FOXN3: variants seen among roughly 807,000 people sequenced by gnomAD.
FOXN3 encodes the protein forkhead box protein N3.
A neutral mutation model predicts 38.4 loss-of-function variants in FOXN3; 7 were observed. That is an observed-to-expected ratio of 0.18 (90% CI 0.10 to 0.34). FOXN3 has a LOEUF of 0.34. Among genes scored for constraint, FOXN3 ranks in the 10% least tolerant of loss-of-function variants. FOXN3 has a pLI of 1.00. For synonymous variants in FOXN3, 230 were observed against 242.2 expected (o/e 0.95, Z 0.47); for missense variants, 456 against 613.4 (o/e 0.74, Z 2.71).
At chr14:89,176,256 A>T (rs1174806058) in intron 5 of FOXN3, among the ~76,000 whole-genome samples, 1 of 152,258 alleles carries the variant, frequency 6.6e-6, no homozygotes, top group Non-Finnish European at 1.5e-5. Flanking sequence ...GGAACCTGGC[A>T]AATAGAAGCT....
chr14:89,340,008 T>G (rs931688881), intron 3 of FOXN3, among the ~76,000 whole-genome samples: 3 of 151,970 alleles, frequency 2.0e-5, no homozygotes, highest in Non-Finnish European at 4.4e-5. Flanking sequence ...GATAAGAAAC[T>G]CTGCTCTCCT....
intron 3 of FOXN3, among the ~76,000 whole-genome samples, chr14:89,299,768 G>A (rs1015582418): frequency 6.6e-6 from 1 of 152,170 alleles, no homozygotes; most frequent in Non-Finnish European, 1.5e-5. Context: ...ACAGTTTCAC[G>A]GAGGTCTTGA....
chr14:89,351,093 G>GT (rs900547379), intron 2 of FOXN3: 5 of 215,918 alleles, frequency 2.3e-5, no homozygotes, highest in Non-Finnish European at 4.5e-5. Flanking sequence ...GAATCTCATT[G>GT]TTTTTCAGCG....
intron 4 of FOXN3, among the ~76,000 whole-genome samples, chr14:89,279,437 T>C (rs953341763): frequency 6.6e-6 from 1 of 152,094 alleles, no homozygotes; most frequent in East Asian, 1.9e-4. Flanking sequence ...TGAATAAAAA[T>C]CGTGAGAAAA....
chr14:89,166,333 G>A (rs1457664784), intron 5 of FOXN3, among the ~76,000 whole-genome samples: 2 of 152,178 alleles, frequency 1.3e-5, no homozygotes, highest in African/African-American at 4.8e-5. Context: ...ATTAAAGGGA[G>A]AATAGAAAAG....
intron 1 of FOXN3, among the ~76,000 whole-genome samples, chr14:89,582,665 CATTTA>C (rs916405294): frequency 2.0e-5 from 3 of 151,980 alleles, no homozygotes; most frequent in Non-Finnish European, 4.4e-5. Context: ...ATTATTCACA[CATTTA>C]AAGAATGCAA....
At chr14:89,538,929 C>T (rs974089114) in intron 1 of FOXN3, among the ~76,000 whole-genome samples, 3 of 150,996 alleles carry the variant, frequency 2.0e-5, no homozygotes, top group Non-Finnish European at 4.4e-5. Context: ...CTGCAACTTC[C>T]GCCCCATGGG....
chr14:89,218,399 C>A (rs190878378), intron 4 of FOXN3, among the ~76,000 whole-genome samples: 3 of 152,342 alleles, frequency 2.0e-5, no homozygotes, highest in Non-Finnish European at 2.9e-5. Flanking sequence ...TATTCCCTTG[C>A]CTTTTCCCTA....
At chr14:89,432,165 G>A (rs1016862159) in intron 1 of FOXN3, among the ~76,000 whole-genome samples, 3 of 152,124 alleles carry the variant, frequency 2.0e-5, no homozygotes, top group Non-Finnish European at 4.4e-5. Context: ...TCTGTGGAAG[G>A]GTATAAAGGA....
At position 89,390,293 on chromosome 14, in the gene FOXN3, TTC is replaced by T. The variant is rs71130070; in HGVS notation, c.543+21639_543+21640del. ...TTTCAATAGATCTCTCTCGTTCTCTTTCTCTCTCTCTCTCTCTCTCTATATAT... is the reference window on the plus strand; with the variant it reads ...TTTCAATAGATCTCTCTCGTTCTCTTTCTCTCTCTCTCTCTCTCTATATAT... On this transcript the variant is annotated intron_variant, in intron 2 of 5. Transcript: ENST00000557258. 5.5e-3 allele frequency among the ~76,000 whole-genome samples: 764 copies of T among 139,890 alleles called. 8 individuals carry two copies. Among genetic ancestry groups the T allele is most frequent in the African/African-American group, 0.017 (679 of 39,476 alleles). 91.8% of individuals were successfully genotyped at this position (139,890 alleles called of 152,430 possible).
intron 2 of FOXN3, among the ~76,000 whole-genome samples, chr14:89,396,011 G>A (rs1046848247): frequency 6.6e-6 from 1 of 152,186 alleles, no homozygotes. Flanking sequence ...GGAAGGATCT[G>A]TGTGGATTTC....
chr14:89,209,289 G>C (rs1006932570), intron 4 of FOXN3, among the ~76,000 whole-genome samples: 13 of 152,230 alleles, frequency 8.5e-5, no homozygotes, highest in African/African-American at 3.1e-4. Flanking sequence ...CGTATTAGGA[G>C]CTTCTGCTCC....
chr14:89,224,235 A>G (rs57246069), intron 4 of FOXN3, among the ~76,000 whole-genome samples: 5 of 152,122 alleles, frequency 3.3e-5, no homozygotes, highest in Admixed American at 2.0e-4. Flanking sequence ...TATAAATTTA[A>G]TAAGTTCGAT....
intron 4 of FOXN3, among the ~76,000 whole-genome samples, chr14:89,191,288 T>A (rs1887934320): frequency 6.6e-6 from 1 of 152,178 alleles, no homozygotes; most frequent in East Asian, 1.9e-4. Context: ...CCCCCAAGAA[T>A]GGTCACTGAA....
intron 1 of FOXN3, among the ~76,000 whole-genome samples, chr14:89,582,497 T>G (rs1895762543): frequency 6.7e-6 from 1 of 148,564 alleles, no homozygotes; most frequent in African/African-American, 2.5e-5. Flanking sequence ...CTTTTTTTTT[T>G]TTTTTTTTTT....
At chr14:89,330,866 G>A (rs1343919364) in intron 3 of FOXN3, among the ~76,000 whole-genome samples, 16 of 152,276 alleles carry the variant, frequency 1.1e-4, no homozygotes, top group African/African-American at 2.4e-5. Context: ...GGATTCCTAA[G>A]GCCAGGGAGC....
intron 2 of FOXN3, among the ~76,000 whole-genome samples, chr14:89,372,195 C>T (rs1356821128): frequency 6.6e-6 from 1 of 151,824 alleles, no homozygotes; most frequent in Non-Finnish European, 1.5e-5. Context: ...GGATAGCAAT[C>T]AGGCAGGAAA....
At chr14:89,502,367 A>T (rs1246222880) in intron 1 of FOXN3, among the ~76,000 whole-genome samples, 4 of 152,038 alleles carry the variant, frequency 2.6e-5, no homozygotes, top group African/African-American at 4.8e-5. Context: ...ATTTTATTTT[A>T]AAAAAAATAT....
intron 4 of FOXN3, among the ~76,000 whole-genome samples, chr14:89,192,136 A>T (rs1011817311): frequency 6.8e-6 from 1 of 147,058 alleles, no homozygotes; most frequent in South Asian, 2.1e-4. Context: ...GAAATACCTT[A>T]AACAGTCACC....
Sources: gnomAD v4.1 joint callset for allele counts (sites outside exome capture counted in the v4.1 genomes callset) on GRCh38, gnomAD v4.1.1 for gene constraint, MANE v1.5 for transcripts, NCBI Gene and HGNC (gene_info 2026-07-23, HGNC 2026-07-21) for gene names.